The following DGKI variants were observed in gnomAD, a reference collection of about 807,000 sequenced individuals.
DGKI encodes the protein diacylglycerol kinase iota, also known as DAG kinase iota.
A neutral mutation model predicts 147.5 loss-of-function variants in DGKI; 55 were observed. The observed-to-expected ratio is 0.37, with a 90% CI of 0.30 to 0.47. The LOEUF is 0.47. DGKI is among the 20% of genes least tolerant of loss of function. The probability of loss-of-function intolerance (pLI) is 1.00; values close to 1 mark genes in which losing one functional copy is unlikely to be tolerated. For synonymous variants in DGKI, 469 were observed against 477.1 expected, an observed-to-expected ratio of 0.98 and a Z score of 0.22; for missense variants, 1,007 against 1,323.8, an observed-to-expected ratio of 0.76 and a Z score of 3.71.
chr7:137,424,528 C>G (rs1159203031), intron 28 of DGKI, among the ~76,000 whole-genome samples: 4 of 152,168 alleles, frequency 2.6e-5, no homozygotes, highest in Admixed American at 2.0e-4. Context: ...GAATGCCAGA[C>G]AGTGGGCACA....
At chr7:137,556,688 A>G (rs547420882) in intron 19 of DGKI, among the ~76,000 whole-genome samples, 1 of 152,336 alleles carries the variant, frequency 6.6e-6, no homozygotes, top group East Asian at 1.9e-4. Flanking sequence ...GTAAATGGAG[A>G]GGCATGTTAT....
chr7:137,498,463 C>T (rs1046326410), intron 21 of DGKI, among the ~76,000 whole-genome samples: 1 of 151,990 alleles, frequency 6.6e-6, no homozygotes, highest in African/African-American at 2.4e-5. Context: ...ACAATAACTA[C>T]AGAACAATAT....
chr7:137,552,023 T>C (rs1818061617), intron 20 of DGKI, among the ~76,000 whole-genome samples: 1 of 152,116 alleles, frequency 6.6e-6, no homozygotes, highest in South Asian at 2.1e-4. Context: ...TGTGCTTCCC[T>C]AAAACAAAAC....
chr7:137,818,773 C>G (rs1223862167), intron 1 of DGKI, among the ~76,000 whole-genome samples: 3 of 152,110 alleles, frequency 2.0e-5, no homozygotes, highest in Non-Finnish European at 2.9e-5. Context: ...ATTTCCAACT[C>G]CCACCAGATT....
chr7:137,593,084 T>C (rs1386449099), intron 12 of DGKI, among the ~76,000 whole-genome samples: 2 of 152,208 alleles, frequency 1.3e-5, no homozygotes, highest in Admixed American at 1.3e-4. Context: ...TTTGGGATGC[T>C]TTTTCATCTA....
Position 137,481,370 on chromosome 7 carries a change from C to T in DGKI, c.2373+4004G>A, listed in dbSNP as rs1274951120. Reference sequence around the variant, plus strand: ...AAAGTAGGTGGCCTCAGAAAGGACCCTTATCAAATAAGCAGGTAGAGTCCA... The same window carrying T: ...AAAGTAGGTGGCCTCAGAAAGGACCTTTATCAAATAAGCAGGTAGAGTCCA... On this transcript the variant is annotated intron_variant, in intron 23 of 32. Coordinates refer to ENST00000614521, the MANE Select transcript of DGKI (RefSeq NM_001321708.2). 2.6e-5 allele frequency among the ~76,000 whole-genome samples: 4 copies of T among 152,038 alleles called. No homozygotes were observed. The East Asian group carries it at 7.7e-4, about 29-fold the overall frequency.
At chr7:137,610,382 CTT>C (rs1820324603) in intron 8 of DGKI, among the ~76,000 whole-genome samples, 2 of 152,110 alleles carry the variant, frequency 1.3e-5, no homozygotes, top group Non-Finnish European at 2.9e-5. Context: ...TTTCTAGAAA[CTT>C]TATAGACCAC....
At chr7:137,480,654 C>T (rs1227803540) in intron 23 of DGKI, among the ~76,000 whole-genome samples, 1 of 151,930 alleles carries the variant, frequency 6.6e-6, no homozygotes, top group Non-Finnish European at 1.5e-5. Context: ...AATGAAAAGG[C>T]TTTTCAATAA....
intron 12 of DGKI, among the ~76,000 whole-genome samples, chr7:137,595,670 A>G (rs945077045): frequency 2.0e-5 from 3 of 152,130 alleles, no homozygotes; most frequent in Admixed American, 2.0e-4. Flanking sequence ...TCAATACTAC[A>G]TGACCTAGCA....
chr7:137,444,604 G>A (rs1278178975), intron 27 of DGKI, among the ~76,000 whole-genome samples: 1 of 152,222 alleles, frequency 6.6e-6, no homozygotes, highest in Non-Finnish European at 1.5e-5. Flanking sequence ...GTTTGAGTGA[G>A]CTGACCCTCT....
chr7:137,533,741 G>C (rs1022808654), intron 20 of DGKI, among the ~76,000 whole-genome samples: 1 of 152,078 alleles, frequency 6.6e-6, no homozygotes, highest in African/African-American at 2.4e-5. Context: ...TTATAAGACT[G>C]AAAGGCTTTG....
chr7:137,622,635 A>C (rs1349861645), intron 7 of DGKI, among the ~76,000 whole-genome samples: 1 of 152,218 alleles, frequency 6.6e-6, no homozygotes, highest in East Asian at 1.9e-4. Flanking sequence ...TATATAAATA[A>C]CTGGGCATGG....
intron 3 of DGKI, among the ~76,000 whole-genome samples, chr7:137,676,965 CA>C (rs1459786681): frequency 6.6e-6 from 1 of 152,102 alleles, no homozygotes; most frequent in African/African-American, 2.4e-5. Flanking sequence ...AGAAATTGTT[CA>C]AAAGTATATA....
intron 19 of DGKI, among the ~76,000 whole-genome samples, chr7:137,570,902 T>G (rs1818770683): frequency 6.6e-6 from 1 of 152,212 alleles, no homozygotes; most frequent in Non-Finnish European, 1.5e-5. Context: ...TGTAATGTTT[T>G]TAATTAGCAT....
intron 1 of DGKI, among the ~76,000 whole-genome samples, chr7:137,827,230 C>T (rs1798083476): frequency 6.6e-6 from 1 of 152,112 alleles, no homozygotes; most frequent in Non-Finnish European, 1.5e-5. Context: ...AGAACAAGGA[C>T]CTCCCCACAG....
At chr7:137,800,267 T>C (rs1324091261) in intron 1 of DGKI, among the ~76,000 whole-genome samples, 1 of 152,094 alleles carries the variant, frequency 6.6e-6, no homozygotes, top group Non-Finnish European at 1.5e-5. Flanking sequence ...TAATATGGTT[T>C]GGATGTTTGT....
intron 30 of DGKI, among the ~76,000 whole-genome samples, chr7:137,398,462 T>C (rs1811634006): frequency 6.6e-6 from 1 of 152,190 alleles, no homozygotes. Context: ...AATGGATGAA[T>C]AAATATGCTT....
At chr7:137,534,379 A>G (rs1817447738) in intron 20 of DGKI, among the ~76,000 whole-genome samples, 1 of 152,080 alleles carries the variant, frequency 6.6e-6, no homozygotes. Context: ...CCATTTTTAA[A>G]TAAATATTTT....
At position 137,619,948 on chromosome 7, in the gene DGKI, G is replaced by C. The variant is rs757384456; in HGVS notation, c.877-8C>G. 7 of 1,604,922 alleles carry C rather than the reference G, an allele frequency of 4.4e-6. No homozygotes were observed. The highest frequency in any genetic ancestry group is 3.4e-4 in the Middle Eastern group (2 of 5,936). ...GGTCACCTTATTGTGAAACTGAAGA[G>C]AAAAATAAGCCAGTAAACAATTCTG... On this transcript the variant is annotated splice_polypyrimidine_tract_variant and splice_region_variant and intron_variant, in intron 7 of 32. Coordinates refer to ENST00000614521, the MANE Select transcript of DGKI (RefSeq NM_001321708.2).
Sources: gnomAD v4.1 joint callset for allele counts (sites outside exome capture counted in the v4.1 genomes callset) on GRCh38, gnomAD v4.1.1 for gene constraint, MANE v1.5 for transcripts, NCBI Gene and HGNC (gene_info 2026-07-23, HGNC 2026-07-21) for gene names.